Variants in PTPRD observed in about 807,000 individuals in gnomAD.
The protein encoded by PTPRD is protein tyrosine phosphatase receptor type D.
A neutral mutation model predicts 214.5 loss-of-function variants in PTPRD; 34 were observed. The ratio of observed to expected loss-of-function variants is 0.16; its 90% CI spans 0.12 to 0.21. The LOEUF is 0.21. Ranked by LOEUF, PTPRD falls within the 10% of genes least tolerant of loss-of-function variation. The pLI is 1.00. For missense variants in PTPRD, 2,545 were observed against 2,398.7 expected (o/e 1.06, Z -1.27); for synonymous variants, 1,128 against 845.7 (o/e 1.33, Z -5.79).
intron 2 of PTPRD, among the ~76,000 whole-genome samples, chr9:10,391,982 G>A (rs1286520395): frequency 6.6e-6 from 1 of 151,622 alleles, no homozygotes; most frequent in Non-Finnish European, 1.5e-5. Flanking sequence ...GTCACCTGTT[G>A]GCAAAACCTT....
chr9:10,096,363 TA>T (rs1453726503), intron 3 of PTPRD, among the ~76,000 whole-genome samples: 3 of 151,554 alleles, frequency 2.0e-5, no homozygotes, highest in African/African-American at 7.3e-5. Context: ...AGAAACTGTT[TA>T]AAAAATGCTA....
chr9:10,286,743 C>A (rs183834266), intron 3 of PTPRD, among the ~76,000 whole-genome samples: 1 of 151,992 alleles, frequency 6.6e-6, no homozygotes, highest in Non-Finnish European at 1.5e-5. Flanking sequence ...GTATTACAGG[C>A]GCCCAAGACC....
intron 14 of PTPRD, among the ~76,000 whole-genome samples, chr9:8,610,292 A>G (rs2095400179): frequency 6.6e-6 from 1 of 152,164 alleles, no homozygotes; most frequent in Non-Finnish European, 1.5e-5. Flanking sequence ...CACTTAGCAT[A>G]CTGTTCGGCA....
chr9:9,669,418 G>T (rs1482271481), intron 7 of PTPRD, among the ~76,000 whole-genome samples: 18 of 152,100 alleles, frequency 1.2e-4, no homozygotes, highest in Non-Finnish European at 2.5e-4. Context: ...GAAAGAAGGA[G>T]ACCAAAAGAT....
intron 3 of PTPRD, among the ~76,000 whole-genome samples, chr9:10,207,405 A>G (rs2099488779): frequency 6.6e-6 from 1 of 152,096 alleles, no homozygotes. Flanking sequence ...GTTATTTATC[A>G]GGTATTAATT....
At chr9:8,359,800 C>T (rs561656098) in intron 39 of PTPRD, among the ~76,000 whole-genome samples, 13 of 152,280 alleles carry the variant, frequency 8.5e-5, no homozygotes, top group African/African-American at 3.1e-4. Flanking sequence ...TGTCAAAGTT[C>T]TGTTTTCCTC....
Position 8,321,487 on chromosome 9 carries a change from G to GTATATATATATATATA in PTPRD, c.5535-1537_5535-1522dup, listed in dbSNP as rs750825729. Reference sequence around the variant, plus strand: ...TGTGTGTGTGTGTGTGTGTGTGTGTGTATATATATATATATATATATATAT... The same window carrying GTATATATATATATATA: ...TGTGTGTGTGTGTGTGTGTGTGTGTGTATATATATATATATATATATATATATATATATATATATAT... On this transcript the variant is annotated intron_variant, in intron 44 of 45. Coordinates refer to ENST00000381196, the MANE Select transcript of PTPRD (RefSeq NM_002839.4). Among the ~76,000 whole-genome samples the GTATATATATATATATA allele has an allele frequency of 3.8e-3, 171 of 44,464 alleles. 7 individuals carry two copies. Among genetic ancestry groups the GTATATATATATATATA allele is most frequent in the Non-Finnish European group, 5.2e-3 (135 of 25,790 alleles). The allele number at this position is 44,464 out of a possible 152,430, so 29.2% of individuals were successfully genotyped here.
At chr9:8,330,671 GTCCAGAGAA>G (rs1839475086) in intron 44 of PTPRD, among the ~76,000 whole-genome samples, 1 of 151,026 alleles carries the variant, frequency 6.6e-6, no homozygotes, top group Non-Finnish European at 1.5e-5. Flanking sequence ...GATAACTGAA[GTCCAGAGAA>G]ACTTCATTAT....
At chr9:9,207,792 G>C (rs139967039) in intron 9 of PTPRD, among the ~76,000 whole-genome samples, 263 of 152,048 alleles carry the variant, frequency 1.7e-3, no homozygotes, top group African/African-American at 6.1e-3. Context: ...TAGTAAAAGA[G>C]TTGAAACAAC....
intron 11 of PTPRD, among the ~76,000 whole-genome samples, chr9:8,774,549 T>TTTTTTTG (rs1161104980): frequency 1.4e-5 from 1 of 71,258 alleles, no homozygotes; most frequent in Non-Finnish European, 3.0e-5. Context: ...TTTTTTTTTT[T>TTTTTTTG]TTGAAACGGA....
At chr9:9,251,436 A>G (rs182637722) in intron 9 of PTPRD, among the ~76,000 whole-genome samples, 409 of 152,184 alleles carry the variant, frequency 2.7e-3, no homozygotes, top group African/African-American at 9.5e-3. Context: ...GCCTTTGTAC[A>G]TGCTTTTTCC....
chr9:8,722,270 G>C (rs936019947), intron 12 of PTPRD, among the ~76,000 whole-genome samples: 2 of 151,944 alleles, frequency 1.3e-5, no homozygotes, highest in Non-Finnish European at 2.9e-5. Flanking sequence ...CATTGCCAAA[G>C]GGTCAGAATT....
At chr9:10,287,264 T>G (rs2154397882) in intron 3 of PTPRD, among the ~76,000 whole-genome samples, 1 of 152,268 alleles carries the variant, frequency 6.6e-6, no homozygotes, top group Admixed American at 6.5e-5. Flanking sequence ...GATAAAGATT[T>G]CTCAAGATCT....
At chr9:8,625,287 G>A (rs1035887766) in intron 14 of PTPRD, among the ~76,000 whole-genome samples, 2 of 151,626 alleles carry the variant, frequency 1.3e-5, no homozygotes, top group African/African-American at 4.8e-5. Context: ...TTAATAACTA[G>A]CTTTATTAAA....
At chr9:10,282,072 T>G (rs150399186) in intron 3 of PTPRD, among the ~76,000 whole-genome samples, 4 of 152,144 alleles carry the variant, frequency 2.6e-5, no homozygotes, top group Non-Finnish European at 5.9e-5. Context: ...TTTAGGCTTA[T>G]GAAGAAATGC....
chr9:10,210,584 T>C (rs1375823298), intron 3 of PTPRD, among the ~76,000 whole-genome samples: 1 of 151,530 alleles, frequency 6.6e-6, no homozygotes, highest in Non-Finnish European at 1.5e-5. Flanking sequence ...AAGTGACTCA[T>C]GTCATGATAT....
chr9:8,446,635 T>C (rs1328407362), intron 34 of PTPRD, among the ~76,000 whole-genome samples: 1 of 152,208 alleles, frequency 6.6e-6, no homozygotes, highest in Non-Finnish European at 1.5e-5. Context: ...CTTATGTATA[T>C]TATTAATAAA....
intron 11 of PTPRD, among the ~76,000 whole-genome samples, chr9:8,772,869 G>C (rs2095295026): frequency 6.6e-6 from 1 of 151,694 alleles, no homozygotes; most frequent in Non-Finnish European, 1.5e-5. Flanking sequence ...AAATATTCTT[G>C]CTTTTTGTTC....
At chr9:8,370,221 C>T (rs372627360) in intron 39 of PTPRD, among the ~76,000 whole-genome samples, 4 of 65,034 alleles carry the variant, frequency 6.2e-5, no homozygotes, top group South Asian at 5.3e-4. Flanking sequence ...CACACACACA[C>T]ACACACACAC....
Sources: gnomAD v4.1 joint callset for allele counts (sites outside exome capture counted in the v4.1 genomes callset) on GRCh38, gnomAD v4.1.1 for gene constraint, MANE v1.5 for transcripts, NCBI Gene and HGNC (gene_info 2026-07-23, HGNC 2026-07-21) for gene names.